ITGA9: variants seen among roughly 807,000 people sequenced by gnomAD.
ITGA9 encodes integrin alpha-9.
Under a neutral mutation model 127.8 loss-of-function variants are expected in ITGA9, and 56 were observed. The observed-to-expected ratio is 0.44, with a 90% CI of 0.35 to 0.55. The LOEUF is 0.55. Among genes scored for constraint, ITGA9 ranks in the 20% least tolerant of loss-of-function variants. The probability of loss-of-function intolerance (pLI) is 0.00; values close to 1 mark genes in which losing one functional copy is unlikely to be tolerated. For missense variants in ITGA9, 1,196 were observed against 1,347.1 expected, an observed-to-expected ratio of 0.89 and a Z score of 1.76; for synonymous variants, 508 against 514.5, an observed-to-expected ratio of 0.99 and a Z score of 0.17.
intron 4 of ITGA9, among the ~76,000 whole-genome samples, chr3:37,492,230 A>C (rs1312806708): frequency 6.6e-6 from 1 of 152,198 alleles, no homozygotes; most frequent in Non-Finnish European, 1.5e-5. Flanking sequence ...CCATTGTTTG[A>C]TTCCTTGCCC....
intron 5 of ITGA9, among the ~76,000 whole-genome samples, chr3:37,494,846 G>A (rs1455865356): frequency 2.0e-5 from 3 of 152,160 alleles, no homozygotes; most frequent in Non-Finnish European, 4.4e-5. Flanking sequence ...TGAGACCTGG[G>A]GAAGGAGTCG....
intron 26 of ITGA9, among the ~76,000 whole-genome samples, chr3:37,798,251 G>A (rs1234143718): frequency 6.6e-6 from 1 of 152,132 alleles, no homozygotes; most frequent in South Asian, 2.1e-4. Flanking sequence ...TGGCCTCCCA[G>A]AGTGCTGGGA....
chr3:37,681,791 G>A (rs142002816), intron 17 of ITGA9, among the ~76,000 whole-genome samples: 403 of 151,842 alleles, frequency 2.7e-3, no homozygotes, highest in African/African-American at 9.1e-3. Flanking sequence ...TCCTAGCCCC[G>A]TTCACTCACC....
At chr3:37,729,027 G>A (rs989510727) in intron 18 of ITGA9, among the ~76,000 whole-genome samples, 2 of 151,830 alleles carry the variant, frequency 1.3e-5, no homozygotes, top group Non-Finnish European at 2.9e-5. Context: ...AGAGGCTACG[G>A]AATGCTTTTG....
At position 37,503,174 on chromosome 3, in the gene ITGA9, G is replaced by T; in HGVS notation, c.613-4G>T. 1 of 1,613,634 alleles carries T rather than the reference G, an allele frequency of 6.2e-7. No homozygotes were observed. Among genetic ancestry groups the T allele is most frequent in the Middle Eastern group, 1.7e-4 (1 of 5,994 alleles). On this transcript the variant is annotated splice_polypyrimidine_tract_variant and splice_region_variant and intron_variant, in intron 5 of 27. Coordinates refer to ENST00000264741, the MANE Select transcript of ITGA9 (RefSeq NM_002207.3). ...CTGCTTACCGTTGGATTTCTTTTTG[G>T]TAGGAGCTGGTGGTGATGGGTGCTC...
intron 23 of ITGA9, among the ~76,000 whole-genome samples, chr3:37,764,551 A>G (rs1330067662): frequency 1.3e-5 from 2 of 149,700 alleles, no homozygotes; most frequent in East Asian, 3.9e-4. Flanking sequence ...CTCCCACCCA[A>G]CTTTCCAGGC....
intron 18 of ITGA9, among the ~76,000 whole-genome samples, chr3:37,706,419 C>T (rs143018036): frequency 6.6e-6 from 1 of 152,244 alleles, no homozygotes; most frequent in East Asian, 1.9e-4. Flanking sequence ...ACCATAGATG[C>T]ATAGGTGCAG....
At chr3:37,469,025 TCTTCTGTTGA>T (rs1406649483) in intron 1 of ITGA9, among the ~76,000 whole-genome samples, 1 of 152,232 alleles carries the variant, frequency 6.6e-6, no homozygotes, top group Admixed American at 6.5e-5. Flanking sequence ...TTGCTATAGA[TCTTCTGTTGA>T]CTGCTTTCCG....
At chr3:37,617,842 G>T (rs547781651) in intron 15 of ITGA9, among the ~76,000 whole-genome samples, 1 of 152,106 alleles carries the variant, frequency 6.6e-6, no homozygotes, top group Non-Finnish European at 1.5e-5. Context: ...CTCTGCATTG[G>T]TTATTCTAGT....
At chr3:37,548,746 T>TTGGAC (rs1190962865) in intron 15 of ITGA9, among the ~76,000 whole-genome samples, 1 of 152,320 alleles carries the variant, frequency 6.6e-6, no homozygotes, top group East Asian at 1.9e-4. Context: ...CCTGGTGCTC[T>TTGGAC]CTAAGGTGAC....
intron 8 of ITGA9, among the ~76,000 whole-genome samples, chr3:37,509,375 G>C (rs567655232): frequency 6.6e-6 from 1 of 152,168 alleles, no homozygotes; most frequent in Non-Finnish European, 1.5e-5. Context: ...AGGACTGTTT[G>C]GCTGAGCTTG....
At chr3:37,466,232 C>T (rs1328076792) in intron 1 of ITGA9, among the ~76,000 whole-genome samples, 2 of 152,006 alleles carry the variant, frequency 1.3e-5, no homozygotes, top group African/African-American at 2.4e-5. Context: ...CTTGTAATCC[C>T]AACACTTTGG....
chr3:37,705,038 TC>T (rs1303135694), intron 18 of ITGA9, among the ~76,000 whole-genome samples: 1 of 152,184 alleles, frequency 6.6e-6, no homozygotes, highest in African/African-American at 2.4e-5. Flanking sequence ...AGGTGTTAGT[TC>T]CCCTCTTAGA....
chr3:37,603,456 T>G (rs1699940214), intron 15 of ITGA9, among the ~76,000 whole-genome samples: 1 of 152,216 alleles, frequency 6.6e-6, no homozygotes, highest in African/African-American at 2.4e-5. Context: ...TCTTGGGGTT[T>G]GGTGTCAGGG....
chr3:37,692,408 A>T (rs1444444997), intron 18 of ITGA9, among the ~76,000 whole-genome samples: 81 of 137,790 alleles, frequency 5.9e-4, no homozygotes, highest in Middle Eastern at 3.6e-3. Context: ...TGAGAGAGAG[A>T]GAGAGTGTGT....
At chr3:37,457,047 G>C (rs1359922572) in intron 1 of ITGA9, among the ~76,000 whole-genome samples, 1 of 152,070 alleles carries the variant, frequency 6.6e-6, no homozygotes, top group Non-Finnish European at 1.5e-5. Context: ...AAGTCTTAAA[G>C]GGCTAGACAA....
intron 15 of ITGA9, among the ~76,000 whole-genome samples, chr3:37,613,966 C>T (rs894425985): frequency 6.6e-5 from 10 of 152,100 alleles, no homozygotes; most frequent in East Asian, 3.9e-4. Flanking sequence ...CTCTTTAGTT[C>T]AATTAGATCC....
rs76773865 is a variant in ITGA9 at position 37,493,678 on chromosome 3, C to A, written c.545-823C>A. Among the ~76,000 whole-genome samples, 485 of 152,294 alleles carry A rather than the reference C, an allele frequency of 3.2e-3. 2 individuals carry two copies. Among genetic ancestry groups the A allele is most frequent in the African/African-American group, 0.01 (435 of 41,556 alleles). On this transcript the variant is annotated intron_variant, in intron 4 of 27. Coordinates refer to ENST00000264741, the MANE Select transcript of ITGA9 (RefSeq NM_002207.3). ...TAGAGCTGTGTGACCTTAGACAATT[C>A]ACTTAACCTCTCTGAGCCTCAATAT...
intron 15 of ITGA9, among the ~76,000 whole-genome samples, chr3:37,579,005 A>T (rs1012268823): frequency 6.6e-6 from 1 of 152,040 alleles, no homozygotes; most frequent in South Asian, 2.1e-4. Flanking sequence ...TAAGGATAGG[A>T]GGCTTGTCCC....
Sources: allele counts gnomAD v4.1 joint callset (sites outside exome capture counted in the v4.1 genomes callset), GRCh38; gene constraint gnomAD v4.1.1; transcripts MANE v1.5; gene names NCBI Gene and HGNC (gene_info 2026-07-23, HGNC 2026-07-21).